Variants in ASAP3 observed in about 807,000 individuals in gnomAD.
ASAP3 encodes ArfGAP with SH3 domain, ankyrin repeat and PH domain 3, also known as arf-GAP with SH3 domain, ANK repeat and PH domain-containing protein 3.
A neutral mutation model predicts 118.2 loss-of-function variants in ASAP3; 85 were observed. That is an observed-to-expected ratio of 0.72 (90% CI 0.60 to 0.86). ASAP3 has a LOEUF of 0.86. Among genes scored for constraint, ASAP3 ranks in the 40% least tolerant of loss-of-function variants. ASAP3 has a pLI of 0.00. For synonymous variants in ASAP3, 432 were observed against 477.4 expected (o/e 0.90, Z 1.24); for missense variants, 1,026 against 1,175.0 (o/e 0.87, Z 1.85).
intron 5 of ASAP3, among the ~76,000 whole-genome samples, chr1:23,444,330 C>T (rs1251460621): frequency 2.0e-5 from 3 of 152,198 alleles, no homozygotes; most frequent in African/African-American, 7.2e-5. Context: ...GCAGACTACC[C>T]ACTCACAGCC....
chr1:23,483,393 T>C (rs1170412047), intron 1 of ASAP3, among the ~76,000 whole-genome samples: 1 of 152,052 alleles, frequency 6.6e-6, no homozygotes, highest in African/African-American at 2.4e-5. Flanking sequence ...TGGGGCAGCC[T>C]GCAAGACCGA....
intron 5 of ASAP3, among the ~76,000 whole-genome samples, chr1:23,442,890 T>G (rs1456451601): frequency 6.6e-6 from 1 of 152,082 alleles, no homozygotes; most frequent in Non-Finnish European, 1.5e-5. Context: ...TGAGCTGGGA[T>G]CTGAAGCCTG....
At position 23,484,043 on chromosome 1, in the gene ASAP3, T is replaced by C. The variant is rs1332249550; in HGVS notation, c.91A>G (p.Met31Val). 1 of 1,339,702 alleles carries C rather than the reference T, an allele frequency of 7.5e-7. No individual in the cohort carries two copies. Among genetic ancestry groups the C allele is most frequent in the Non-Finnish European group, 9.5e-7 (1 of 1,047,380 alleles). 83.0% of individuals were successfully genotyped at this position (1,339,702 alleles called of 1,614,324 possible). ...AGCGCCGCCCCTCGGTACCGGGGCA[T>C]CTTGGCGGCGAAGGCGGCGGCCCCA... The part of the protein sequence containing the change: ...PAGAAAFAAK[M>V]PRYRGAALAR... Residue 31 changes from methionine to valine, a missense_variant, in exon 1 of 25, where the codon ATG becomes GTG. Physicochemically the swap from Met to Val is conservative, Grantham distance 21. Coordinates refer to ENST00000336689, the MANE Select transcript of ASAP3 (RefSeq NM_017707.4).
chr1:23,480,856 G>C (rs1001510741), intron 1 of ASAP3, among the ~76,000 whole-genome samples: 1 of 152,124 alleles, frequency 6.6e-6, no homozygotes, highest in Admixed American at 6.5e-5. Flanking sequence ...GCTGGTTGAC[G>C]TAATGACTAT....
At chr1:23,468,126 A>G (rs1273639406) in intron 1 of ASAP3, among the ~76,000 whole-genome samples, 1 of 152,100 alleles carries the variant, frequency 6.6e-6, no homozygotes, top group Non-Finnish European at 1.5e-5. Context: ...AGAACAGTGA[A>G]GATCATTGCC....
At position 23,433,626 on chromosome 1, in the gene ASAP3, C is replaced by T. The variant is rs1432533666; in HGVS notation, c.2019G>A (p.Leu673=). 1 of 1,614,242 alleles carries T rather than the reference C, an allele frequency of 6.2e-7. No homozygotes were observed. Among genetic ancestry groups the T allele is most frequent in the Non-Finnish European group, 8.5e-7 (1 of 1,180,052 alleles). Residue 673 remains leucine (L), a splice_region_variant and synonymous_variant, in exon 20 of 25, where the codon CTG becomes CTA. Coordinates refer to ENST00000336689, the MANE Select transcript of ASAP3 (RefSeq NM_017707.4). ...RKKHHKECEE[L]LEQAQAGTFA... ...GCCCCTTGCCTCCCCGAGTCCTCAC[C>T]AGCTCCTCACACTCCTTGTGGTGCT...
intron 5 of ASAP3, among the ~76,000 whole-genome samples, chr1:23,450,951 C>G (rs1641194715): frequency 6.6e-6 from 1 of 152,142 alleles, no homozygotes; most frequent in African/African-American, 2.4e-5. Flanking sequence ...GGTGAGAGAT[C>G]TGGAGTATCG....
rs1046404292 is a variant in ASAP3 at position 23,428,913 on chromosome 1, C to T, written c.*943G>A. The T allele has an allele frequency of 6.5e-6, 1 of 154,832 alleles. No individual in the cohort carries two copies. Among genetic ancestry groups the T allele is most frequent in the African/African-American group, 2.4e-5 (1 of 41,536 alleles). 9.6% of individuals were successfully genotyped at this position (154,832 alleles called of 1,614,324 possible). On this transcript the variant is annotated 3_prime_UTR_variant, in exon 25 of 25. Coordinates refer to ENST00000336689, the MANE Select transcript of ASAP3 (RefSeq NM_017707.4). ...AGCAGAACCCTTAAGTCTCTGCCCT[C>T]CCAATTCTATTACTCTCCCTTCTTT...
chr1:23,479,451 C>CA (rs1288810948), intron 1 of ASAP3, among the ~76,000 whole-genome samples: 1 of 152,076 alleles, frequency 6.6e-6, no homozygotes, highest in Non-Finnish European at 1.5e-5. Context: ...CTCTGACGAT[C>CA]AAAAAACAAA....
intron 1 of ASAP3, among the ~76,000 whole-genome samples, chr1:23,483,463 G>A (rs1281806459): frequency 6.6e-6 from 1 of 152,202 alleles, no homozygotes; most frequent in Admixed American, 6.5e-5. Context: ...GGGGAGAGGA[G>A]ACGATAAACT....
chr1:23,448,174 T>C (rs758998456), intron 5 of ASAP3, among the ~76,000 whole-genome samples: 4 of 152,212 alleles, frequency 2.6e-5, no homozygotes, highest in South Asian at 4.1e-4. Context: ...ACCGAGATCA[T>C]TGCAGAAGGA....
Position 23,457,782 on chromosome 1 carries a change from C to T in ASAP3, c.130-1588G>A, listed in dbSNP as rs900510556. Among the ~76,000 whole-genome samples the T allele has an allele frequency of 3.3e-5, 5 of 152,112 alleles. No individual in the cohort carries two copies. In the East Asian group the frequency reaches 5.8e-4, roughly 18 times the overall value. ...CCCGCTTCGGCCTCCCAAGGTGCTG[C>T]GATTACAGGCATGAGCCACCGTGCC... is the stretch of plus-strand genomic sequence containing the variant. On this transcript the variant is annotated intron_variant, in intron 1 of 24. Transcript: ENST00000336689.
intron 5 of ASAP3, among the ~76,000 whole-genome samples, chr1:23,444,168 C>T (rs1434095860): frequency 1.3e-5 from 2 of 152,218 alleles, no homozygotes; most frequent in Non-Finnish European, 2.9e-5. Flanking sequence ...CACGCCCCAC[C>T]GTGCTCTTCT....
Position 23,456,111 on chromosome 1 carries a change from G to A in ASAP3, c.202+11C>T, listed in dbSNP as rs1031483334. ...TCCTGACCAGGCGGGGCACCCAGGA[G>A]GCTCACTTACCAAGGCCGGAGCTAT... On this transcript the variant is annotated intron_variant, in intron 2 of 24. Coordinates refer to ENST00000336689, the MANE Select transcript of ASAP3 (RefSeq NM_017707.4). 1.2e-6 allele frequency: 2 copies of A among 1,614,032 alleles called. No homozygotes were observed. The highest frequency in any genetic ancestry group is 2.7e-5 in the African/African-American group (2 of 74,910).
intron 1 of ASAP3, among the ~76,000 whole-genome samples, chr1:23,478,425 G>A (rs1016045476): frequency 2.0e-5 from 3 of 151,408 alleles, no homozygotes; most frequent in Admixed American, 6.6e-5. Context: ...AGATCGTGCC[G>A]TTGCACTCCA....
rs934970877 is a variant in ASAP3, at chr1:23,436,592, G to A, written c.1539C>T (p.His513=). 1.7e-5 allele frequency: 27 copies of A among 1,614,122 alleles called. No homozygotes were observed. Among genetic ancestry groups the A allele is most frequent in the Admixed American group, 1.3e-4 (8 of 60,010 alleles). The change falls in exon 16 of 25, where the codon CAC becomes CAT. Residue 513 remains histidine, a synonymous_variant. Transcript: ENST00000336689. This position sits in a 1 kb window ranked among gnomAD's most constrained non-coding sequence, Gnocchi z 4.2. The part of the protein sequence containing the change: ...NEVMEAQLPS[H]GGPKPSAESD... ...TCTCAGCTGAGGGTTTAGGGCCGCCGTGTGAGGGTAGCTGGGCCTCCATGA... is the reference window on the plus strand; with the variant it reads ...TCTCAGCTGAGGGTTTAGGGCCGCCATGTGAGGGTAGCTGGGCCTCCATGA...
chr1:23,434,837 A>G (rs1640580228), intron 17 of ASAP3, among the ~76,000 whole-genome samples: 1 of 152,094 alleles, frequency 6.6e-6, no homozygotes, highest in African/African-American at 2.4e-5. Context: ...TCTGCCCCCA[A>G]CAAGTGTTTC....
intron 1 of ASAP3, among the ~76,000 whole-genome samples, chr1:23,461,826 A>G (rs1206006518): frequency 6.6e-6 from 1 of 152,182 alleles, no homozygotes; most frequent in East Asian, 1.9e-4. Flanking sequence ...GCGGAGCAAC[A>G]AGATATCAGC....
At chr1:23,446,619 G>C (rs567145560) in intron 5 of ASAP3, among the ~76,000 whole-genome samples, 1 of 152,078 alleles carries the variant, frequency 6.6e-6, no homozygotes, top group East Asian at 1.9e-4. Context: ...CGTATTTTTA[G>C]TAGAGCCGGG....
Sources: gnomAD v4.1 joint callset for allele counts (sites outside exome capture counted in the v4.1 genomes callset) on GRCh38, gnomAD v4.1.1 for gene constraint, Gnocchi (gnomAD v3.1) non-coding constraint, MANE v1.5 for transcripts, NCBI Gene and HGNC (gene_info 2026-07-23, HGNC 2026-07-21) for gene names.